ACOT9: variants seen among roughly 807,000 people sequenced by gnomAD.
The protein encoded by ACOT9 is acyl-coenzyme A thioesterase 9, mitochondrial.
In ACOT9, 34 loss-of-function variants were observed where a neutral mutation model predicts 39.7. That is an observed-to-expected ratio of 0.86 (90% CI 0.65 to 1.14). ACOT9 has a LOEUF of 1.14. Among genes scored for constraint, ACOT9 ranks in the 50% most tolerant of loss-of-function variants. The pLI is 0.00. For synonymous variants in ACOT9, 110 were observed against 120.5 expected, an observed-to-expected ratio of 0.91 and a Z score of 0.57; for missense variants, 313 against 344.1, an observed-to-expected ratio of 0.91 and a Z score of 0.71.
chrX:23,743,129 G>C lies in ACOT9; in HGVS notation c.16C>G (p.Leu6Val). 1 of 1,161,613 alleles carries C rather than the reference G, an allele frequency of 8.6e-7. No individual in the cohort carries two copies. Among genetic ancestry groups the C allele is most frequent in the Non-Finnish European group, 1.1e-6 (1 of 869,685 alleles). MRRAALRLCALGKGQL... is the reference protein window; with the variant it reads MRRAAVRLCALGKGQL... ...CTTCCACGCCCCGCCACCTACCGCA[G>C]TGCTGCCCGCCTCATTGCGCTAGGC... The change falls in exon 1 of 16, where the codon CTG (leucine) becomes GTG (valine). Residue 6 changes from leucine to valine, a missense_variant. Transcript: ENST00000379303.
intron 10 of ACOT9, 175 bp from the exon 11 acceptor site, chrX:23,706,914 T>C: frequency 2.6e-6 from 1 of 390,955 alleles, no homozygotes; most frequent in Non-Finnish European, 4.5e-6. Flanking sequence ...GAAATTATAT[T>C]GGTTCAGTGT....
chrX:23,725,470 CAAAAAA>C (rs34682904), intron 6 of ACOT9, among the ~76,000 whole-genome samples: 1 of 48,955 alleles, frequency 2.0e-5, no homozygotes, highest in African/African-American at 8.6e-5. Context: ...GACTCTGTCT[CAAAAAA>C]AAAAAAAAAA....
intron 7 of ACOT9, 75 bp downstream of exon 7, chrX:23,722,595 G>A: frequency 1.4e-6 from 1 of 727,680 alleles, no homozygotes. Context: ...TAAAAGGAGA[G>A]TACGTCCTGT....
chrX:23,722,768 G>A lies in ACOT9; in HGVS notation c.401-15C>T. On this transcript the variant is annotated splice_polypyrimidine_tract_variant and intron_variant, in intron 6 of 15. Transcript: ENST00000379303. ...ACAAATAAGAACTGCAGGGAAACAG[G>A]AGTGTACCAAATTTTAAAAAGGCAG... 9.0e-7 allele frequency: 1 copy of A among 1,105,827 alleles called. No individual in the cohort carries two copies. The highest frequency in any genetic ancestry group is 1.8e-5 in the African/African-American group (1 of 55,051). The allele number at this position is 1,105,827 out of a possible 1,213,427, so 91.1% of individuals were successfully genotyped here. A position where few individuals can be genotyped will look rare whatever the true frequency, so the allele number is the denominator to read the frequency against.
Position 23,722,611 on chromosome X carries a change from CAAT to C in ACOT9, c.484+56_484+58del, listed in dbSNP as rs760109758. ...AAAAGGAGAGTACGTCCTGTAATCTCAATAATATCTTGAAATTACTAAGAATTC... is the reference window on the plus strand; with the variant it reads ...AAAAGGAGAGTACGTCCTGTAATCTCAATATCTTGAAATTACTAAGAATTC... On this transcript the variant is annotated intron_variant, in intron 7 of 15. Coordinates refer to ENST00000379303, the MANE Select transcript of ACOT9 (RefSeq NM_001037171.2). 9.2e-6 allele frequency: 8 copies of C among 865,417 alleles called. No individual in the cohort carries two copies. In the South Asian group the frequency reaches 1.4e-4, roughly 15 times the overall value. The allele number at this position is 865,417 out of a possible 1,213,427, so 71.3% of individuals were successfully genotyped here. A position where few individuals can be genotyped will look rare whatever the true frequency, so the allele number is the denominator to read the frequency against.
chrX:23,708,940 C>G (rs1450311894), intron 9 of ACOT9, among the ~76,000 whole-genome samples: 1 of 111,716 alleles, frequency 9.0e-6, no homozygotes, highest in Admixed American at 9.6e-5. Context: ...GAGAATTACG[C>G]AAATGTAATA....
rs1062104 is a variant in ACOT9, at chrX:23,701,305, T to A, written c.*2589A>T. Among the ~76,000 whole-genome samples the A allele has an allele frequency of 1.8e-5, 2 of 110,745 alleles. No individual in the cohort carries two copies. Among genetic ancestry groups the A allele is most frequent in the Admixed American group, 2.0e-4 (2 of 10,233 alleles). On this transcript the variant is annotated 3_prime_UTR_variant, in exon 16 of 16. Coordinates refer to ENST00000379303, the MANE Select transcript of ACOT9 (RefSeq NM_001037171.2). ...ATGCTATATTGAAGGGCCAGGTAAA[T>A]CTCAGTCAGGATGGCATTACGGCAT...
At chrX:23,739,655 C>T (rs1601825039) in intron 1 of ACOT9, among the ~76,000 whole-genome samples, 1 of 110,678 alleles carries the variant, frequency 9.0e-6, no homozygotes, top group Admixed American at 9.7e-5. Flanking sequence ...ATTAGTCAGG[C>T]GTAGTGGTGC....
Position 23,706,749 on chromosome X carries a change from G to C in ACOT9, c.731-10C>G, listed in dbSNP as rs761150147. 6 of 1,066,834 alleles carry C rather than the reference G, an allele frequency of 5.6e-6. No individual in the cohort carries two copies. In the East Asian group the frequency reaches 9.1e-5, roughly 16 times the overall value. The allele number at this position is 1,066,834 out of a possible 1,213,427, so 87.9% of individuals were successfully genotyped here. ...CTTCTCCCCTTGTTCACTGGAACAA[G>C]GGAGAATAAGGAGCAATGATCAGGA... is the stretch of plus-strand genomic sequence containing the variant. On this transcript the variant is annotated splice_polypyrimidine_tract_variant and intron_variant, in intron 10 of 15. Transcript: ENST00000379303.
At chrX:23,740,717 T>TACACACACACACACACACAC (rs67075682) in intron 1 of ACOT9, among the ~76,000 whole-genome samples, 1 of 92,063 alleles carries the variant, frequency 1.1e-5, no homozygotes, top group Non-Finnish European at 2.2e-5. Flanking sequence ...CCCCAATACA[T>TACACACACACACACACACAC]ACACACACAC....
intron 8 of ACOT9, among the ~76,000 whole-genome samples, chrX:23,715,037 G>A (rs1325276430): frequency 9.0e-6 from 1 of 111,211 alleles, no homozygotes; most frequent in Non-Finnish European, 1.9e-5. Context: ...AATGATACAA[G>A]CCTCATCACT....
Position 23,709,013 on chromosome X carries a change from T to A in ACOT9, c.663-1069A>T, listed in dbSNP as rs753706564. Reference sequence around the variant, plus strand: ...TATCTACTTTTCTGTAAGCATCAAATTTTTTGAAATAAAAAATAAGGGAAA... The same window carrying A: ...TATCTACTTTTCTGTAAGCATCAAAATTTTTGAAATAAAAAATAAGGGAAA... On this transcript the variant is annotated intron_variant, in intron 9 of 15. Transcript: ENST00000379303. Among the ~76,000 whole-genome samples the A allele has an allele frequency of 2.7e-5, 3 of 112,358 alleles. No individual in the cohort carries two copies. In the South Asian group the frequency reaches 1.1e-3, roughly 41 times the overall value.
At chrX:23,742,173 C>G (rs1941283580) in intron 1 of ACOT9, among the ~76,000 whole-genome samples, 2 of 101,302 alleles carry the variant, frequency 2.0e-5, no homozygotes, top group African/African-American at 7.7e-5. Context: ...AGACAGAACC[C>G]TTACAACTGA....
intron 4 of ACOT9, among the ~76,000 whole-genome samples, chrX:23,732,550 T>C (rs1037318727): frequency 9.8e-5 from 11 of 112,030 alleles, no homozygotes; most frequent in Non-Finnish European, 3.8e-5. Context: ...ATTTTTCATA[T>C]AAAGAATTTA....
intron 8 of ACOT9, among the ~76,000 whole-genome samples, chrX:23,717,157 T>C (rs962833827): frequency 2.7e-5 from 3 of 110,163 alleles, no homozygotes; most frequent in Admixed American, 9.8e-5. Flanking sequence ...CCCAGCCAGT[T>C]TTTTGTACTT....
chrX:23,740,942 C>T (rs757999017), intron 1 of ACOT9, among the ~76,000 whole-genome samples: 1 of 109,414 alleles, frequency 9.1e-6, no homozygotes, highest in East Asian at 2.9e-4. Context: ...TGTAACTGAA[C>T]CTTTCCAATC....
chrX:23,706,212 G>C (rs965659498), intron 11 of ACOT9, among the ~76,000 whole-genome samples: 3 of 109,947 alleles, frequency 2.7e-5, no homozygotes, highest in African/African-American at 9.9e-5. Flanking sequence ...GTTGTAGTGA[G>C]CCAAGATCAC....
At chrX:23,721,568 C>T (rs1358191136) in intron 8 of ACOT9, among the ~76,000 whole-genome samples, 3 of 112,059 alleles carry the variant, frequency 2.7e-5, no homozygotes, top group Non-Finnish European at 5.6e-5. Flanking sequence ...ATACAGTAAT[C>T]AATTCCATTC....
At chrX:23,724,666 G>C (rs1050967871) in intron 6 of ACOT9, among the ~76,000 whole-genome samples, 5 of 110,431 alleles carry the variant, frequency 4.5e-5, no homozygotes, top group African/African-American at 1.7e-4. Flanking sequence ...CCAGCTACTT[G>C]AGAGGCTAAG....
Sources: allele counts gnomAD v4.1 joint callset (sites outside exome capture counted in the v4.1 genomes callset), GRCh38; gene constraint gnomAD v4.1.1; transcripts MANE v1.5; gene names NCBI Gene and HGNC (gene_info 2026-07-23, HGNC 2026-07-21).